The following MRTFB variants were observed in gnomAD, a reference collection of about 807,000 sequenced individuals.
MRTFB encodes myocardin related transcription factor B.
In MRTFB, 29 loss-of-function variants were observed where a neutral mutation model predicts 104.2. The observed-to-expected ratio is 0.28, with a 90% CI of 0.21 to 0.38. The LOEUF (loss-of-function observed/expected upper bound fraction) is 0.38. Ranked by LOEUF, MRTFB falls within the 10% of genes least tolerant of loss-of-function variation. The pLI, the probability that MRTFB is intolerant of heterozygous loss-of-function variation, is 1.00. For synonymous variants in MRTFB, 535 were observed against 519.5 expected (o/e 1.03, Z -0.41); for missense variants, 1,270 against 1,341.6 (o/e 0.95, Z 0.83).
In MRTFB at chr16:14,195,406, C is replaced by G. The variant is rs1041316709; in HGVS notation, c.155-14837C>G. 6 of 513,558 alleles carry G rather than the reference C, an allele frequency of 1.2e-5. No individual in the cohort carries two copies. In the African/African-American group the frequency reaches 1.2e-4, roughly 11 times the overall value. 31.8% of individuals were successfully genotyped at this position (513,558 alleles called of 1,614,324 possible). A position where few individuals can be genotyped will look rare whatever the true frequency, so the allele number is the denominator to read the frequency against. Reference sequence around the variant, plus strand: ...AGTTCTTAGTTTATGTTTTGCTAGGCACATTGCACATGTGTGTGTATATAT... The same window carrying G: ...AGTTCTTAGTTTATGTTTTGCTAGGGACATTGCACATGTGTGTGTATATAT... On this transcript the variant is annotated intron_variant, in intron 3 of 16. Coordinates refer to ENST00000571589, the MANE Select transcript of MRTFB (RefSeq NM_001308142.2).
Position 14,266,327 on chromosome 16 carries a change from TCTTG to T in MRTFB, c.*4889_*4892del, listed in dbSNP as rs2043946117. On this transcript the variant is annotated 3_prime_UTR_variant, in exon 17 of 17. Coordinates refer to ENST00000571589, the MANE Select transcript of MRTFB (RefSeq NM_001308142.2). ...TTCTATGTAGAAATTAGTTTTCTTT[TCTTG>T]CTTGCAATAGAAATGCAATGTGATA... 1 of 152,160 alleles carries T rather than the reference TCTTG, an allele frequency of 6.6e-6. No individual in the cohort carries two copies. The highest frequency in any genetic ancestry group is 1.5e-5 in the Non-Finnish European group (1 of 68,042). The allele number at this position is 152,160 out of a possible 1,614,324, so 9.4% of individuals were successfully genotyped here.
the MRTFB span, among the ~76,000 whole-genome samples, chr16:14,031,278 C>T: frequency 6.6e-6 from 1 of 152,046 alleles, no homozygotes; most frequent in South Asian, 2.1e-4. Context: ...GTAGTCCCAG[C>T]TGCTCAGGAG....
chr16:14,231,692 G>C (rs2042275725), intron 8 of MRTFB, among the ~76,000 whole-genome samples: 1 of 152,152 alleles, frequency 6.6e-6, no homozygotes, highest in African/African-American at 2.4e-5. Flanking sequence ...TCCAGGCCTG[G>C]ATACTCTTTT....
intron 2 of MRTFB, among the ~76,000 whole-genome samples, chr16:14,120,878 A>G (rs1293886642): frequency 6.6e-6 from 1 of 152,146 alleles, no homozygotes; most frequent in African/African-American, 2.4e-5. Context: ...ACCATGGGTC[A>G]CTGGGTGCTG....
intron 15 of MRTFB, among the ~76,000 whole-genome samples, chr16:14,254,491 TAACTG>T (rs1161616257): frequency 6.6e-6 from 1 of 152,194 alleles, no homozygotes; most frequent in Admixed American, 6.5e-5. Flanking sequence ...GAAATCCAGA[TAACTG>T]AATTGAGAGC....
intron 2 of MRTFB, among the ~76,000 whole-genome samples, chr16:14,131,778 TAA>T (rs11410431): frequency 6.8e-6 from 1 of 147,294 alleles, no homozygotes; most frequent in Admixed American, 6.8e-5. Flanking sequence ...AACTATAATT[TAA>T]AAAAAAAAAG....
intron 3 of MRTFB, among the ~76,000 whole-genome samples, chr16:14,145,968 C>G (rs1043239367): frequency 6.6e-6 from 1 of 152,240 alleles, no homozygotes; most frequent in African/African-American, 2.4e-5. Context: ...GAAGCTGTTC[C>G]TTCCTGAGGT....
the MRTFB span, among the ~76,000 whole-genome samples, chr16:14,028,487 G>A: frequency 6.6e-6 from 1 of 152,162 alleles, no homozygotes; most frequent in Non-Finnish European, 1.5e-5. Context: ...CTAGGACTGG[G>A]AAGGGACAGG....
intron 8 of MRTFB, among the ~76,000 whole-genome samples, chr16:14,233,781 C>CAAAAAAAAAAAA (rs1007606658): frequency 2.0e-5 from 1 of 50,000 alleles, no homozygotes; most frequent in African/African-American, 7.0e-5. Flanking sequence ...GACTCCCTCT[C>CAAAAAAAAAAAA]AAAAAAAAAA....
intron 1 of MRTFB, among the ~76,000 whole-genome samples, chr16:14,075,404 C>G (rs1393659596): frequency 1.3e-5 from 2 of 152,228 alleles, no homozygotes; most frequent in African/African-American, 4.8e-5. Flanking sequence ...CACTCCAGAC[C>G]AACTGGACCA....
chr16:14,212,267 T>C, intron 4 of MRTFB, 87 bp from the exon 5 acceptor site: 1 of 1,309,680 alleles, frequency 7.6e-7, no homozygotes. Context: ...GATCTGTTAA[T>C]AATAGGGTTA....
the MRTFB span, among the ~76,000 whole-genome samples, chr16:14,031,934 A>C: frequency 6.6e-6 from 1 of 152,160 alleles, no homozygotes; most frequent in African/African-American, 2.4e-5. Context: ...CAGCCTCTCA[A>C]ATAGCTTGGA....
intron 8 of MRTFB, among the ~76,000 whole-genome samples, chr16:14,229,662 CTGT>C (rs1370803768): frequency 6.6e-6 from 1 of 152,080 alleles, no homozygotes; most frequent in African/African-American, 2.4e-5. Context: ...GCTCTGACTT[CTGT>C]TTTTTTTATA....
rs766633266 is a variant in MRTFB at position 14,260,983 on chromosome 16, A to G, written c.2839A>G (p.Met947Val). 2 of 1,614,140 alleles carry G rather than the reference A, an allele frequency of 1.2e-6. No individual in the cohort carries two copies. The highest frequency in any genetic ancestry group is 1.7e-6 in the Non-Finnish European group (2 of 1,180,022). The part of the protein sequence containing the change: ...MRPVTASITT[M>V]PVNTVVSRPP... ...ACCAGTGACAGCCAGCATCACCACA[A>G]TGCCAGTGAATACAGTGGTGTCCCG... Residue 947 changes from methionine to valine, a missense_variant, in exon 17 of 17, where the codon ATG becomes GTG. Coordinates refer to ENST00000571589, the MANE Select transcript of MRTFB (RefSeq NM_001308142.2).
At chr16:14,071,867 A>AG (rs1238143459) in intron 1 of MRTFB, among the ~76,000 whole-genome samples, 2 of 152,044 alleles carry the variant, frequency 1.3e-5, no homozygotes, top group Non-Finnish European at 2.9e-5. Context: ...CAGGCTTCAG[A>AG]GGGGGTGTCT....
chr16:14,078,681 T>C (rs760387376), intron 1 of MRTFB, among the ~76,000 whole-genome samples: 1 of 151,950 alleles, frequency 6.6e-6, no homozygotes, highest in African/African-American at 2.4e-5. Flanking sequence ...TTGCCCACCT[T>C]GGCCTCACCA....
the MRTFB span, among the ~76,000 whole-genome samples, chr16:14,050,396 C>T: frequency 6.6e-6 from 1 of 152,166 alleles, no homozygotes. Flanking sequence ...CAAGGTCTCA[C>T]TCTGTCACCT....
chr16:14,244,845 G>A (rs977189161), intron 10 of MRTFB, among the ~76,000 whole-genome samples: 1 of 152,152 alleles, frequency 6.6e-6, no homozygotes, highest in African/African-American at 2.4e-5. Flanking sequence ...CTGCACTGTG[G>A]CTTGACTTTT....
At chr16:14,004,645 C>T in the MRTFB span, among the ~76,000 whole-genome samples, 3 of 152,192 alleles carry the variant, frequency 2.0e-5, no homozygotes, top group African/African-American at 7.2e-5. Context: ...CTGAGCCAGA[C>T]ACAGGGACTG....
Sources: allele counts gnomAD v4.1 joint callset (sites outside exome capture counted in the v4.1 genomes callset), GRCh38; gene constraint gnomAD v4.1.1; transcripts MANE v1.5; gene names NCBI Gene and HGNC (gene_info 2026-07-23, HGNC 2026-07-21).